Variants in TRAPPC10 observed in about 807,000 individuals in gnomAD.
TRAPPC10 encodes TRAPP 130 kDa subunit.
In TRAPPC10, 23 loss-of-function variants were observed where a neutral mutation model predicts 125.5. The observed-to-expected ratio is 0.18, with a 90% CI of 0.13 to 0.26. The LOEUF (loss-of-function observed/expected upper bound fraction) is 0.26. Ranked by LOEUF, TRAPPC10 falls within the 10% of genes least tolerant of loss-of-function variation. TRAPPC10 has a pLI of 1.00. For missense variants in TRAPPC10, 1,123 were observed against 1,308.4 expected (o/e 0.86, Z 2.19); for synonymous variants, 509 against 518.0 (o/e 0.98, Z 0.24).
At chr21:44,022,562 C>A (rs182260477) in intron 1 of TRAPPC10, among the ~76,000 whole-genome samples, 86 of 151,082 alleles carry the variant, frequency 5.7e-4, no homozygotes, top group African/African-American at 2.0e-3. Context: ...GATCCGCCCA[C>A]CTTTGCCTCC....
chr21:44,084,554 T>C (rs138472872), intron 15 of TRAPPC10, among the ~76,000 whole-genome samples: 2 of 152,336 alleles, frequency 1.3e-5, no homozygotes, highest in Non-Finnish European at 2.9e-5. Context: ...GGTATTTTTT[T>C]CTATTGGCTC....
Position 44,057,411 on chromosome 21 carries a change from T to C in TRAPPC10, c.678+1518T>C, listed in dbSNP as rs538175897. On this transcript the variant is annotated intron_variant, in intron 5 of 22. Coordinates refer to ENST00000291574, the MANE Select transcript of TRAPPC10 (RefSeq NM_003274.5). ...ATCTCCCAGGTTTAAGCGATTCTCC[T>C]GCCTCAGTCCCGAGTAGCTGGGATT... Among the ~76,000 whole-genome samples, 9 of 152,204 alleles carry C rather than the reference T, an allele frequency of 5.9e-5. No individual in the cohort carries two copies. In the East Asian group the frequency reaches 1.5e-3, roughly 26 times the overall value.
intron 5 of TRAPPC10, among the ~76,000 whole-genome samples, chr21:44,056,738 G>A (rs2035623685): frequency 6.6e-6 from 1 of 152,182 alleles, no homozygotes; most frequent in African/African-American, 2.4e-5. Context: ...GCTGAAGGAA[G>A]CAACAGCTCC....
At chr21:44,093,984 C>T (rs905821637) in intron 19 of TRAPPC10, 79 bp from the exon 20 acceptor site, 25 of 1,444,122 alleles carry the variant, frequency 1.7e-5, no homozygotes, top group Non-Finnish European at 2.1e-5. Flanking sequence ...CTTCGCATGG[C>T]GTGTGTTTCG....
rs2034103398 is a variant in TRAPPC10 at position 44,037,858 on chromosome 21, G to C, written c.216G>C (p.Leu72=). ...ESNFVQFKEE[L]LPKEGNKALL... ...ACTTTGTTCAATTCAAAGAGGAGCT[G>C]CTGCCCAAAGAAGGAAACAAAGCTC... Residue 72 remains leucine, a synonymous_variant, in exon 3 of 23, where the codon CTG becomes CTC. Coordinates refer to ENST00000291574, the MANE Select transcript of TRAPPC10 (RefSeq NM_003274.5). The C allele has an allele frequency of 1.2e-6, 2 of 1,614,176 alleles. No individual in the cohort carries two copies. The highest frequency in any genetic ancestry group is 2.7e-5 in the African/African-American group (2 of 75,048).
rs1253080376 is a variant in TRAPPC10 at position 44,063,859 on chromosome 21, G to A, written c.1038+74G>A. 1.9e-6 allele frequency: 3 copies of A among 1,539,322 alleles called. No homozygotes were observed. In the African/African-American group the frequency reaches 4.1e-5, roughly 21 times the overall value. ...GAAATCTCTGAACCTTGAGATCCCA[G>A]GCATTGAACTGTTTGTGCTTAAGAA... is the stretch of plus-strand genomic sequence containing the variant. On this transcript the variant is annotated intron_variant, in intron 7 of 22. Coordinates refer to ENST00000291574, the MANE Select transcript of TRAPPC10 (RefSeq NM_003274.5). The surrounding 1 kb of genome is among the most constrained non-coding windows in gnomAD (Gnocchi z 4.4).
At chr21:44,069,619 T>G (rs568128329) in intron 7 of TRAPPC10, among the ~76,000 whole-genome samples, 2 of 152,210 alleles carry the variant, frequency 1.3e-5, no homozygotes, top group South Asian at 4.2e-4. Context: ...TTACAACACA[T>G]GCCCCGTGAC....
intron 5 of TRAPPC10, among the ~76,000 whole-genome samples, chr21:44,058,179 G>A (rs1436809455): frequency 9.9e-5 from 15 of 152,154 alleles, no homozygotes; most frequent in Admixed American, 6.5e-4. Flanking sequence ...GGTGCTGTGC[G>A]GGTCAGGAGG....
chr21:44,056,416 C>G (rs1318577246), intron 5 of TRAPPC10, among the ~76,000 whole-genome samples: 1 of 152,090 alleles, frequency 6.6e-6, no homozygotes, highest in Non-Finnish European at 1.5e-5. Context: ...CACAGTCTCA[C>G]GGTGGCCCCC....
rs1449878979 is a variant in TRAPPC10 at position 44,044,027 on chromosome 21, A to T, written c.285+6100A>T. Among the ~76,000 whole-genome samples the T allele has an allele frequency of 2.6e-5, 4 of 152,214 alleles. No individual in the cohort carries two copies. In the South Asian group the frequency reaches 8.3e-4, roughly 32 times the overall value. ...GCAAAAGAAAGTTTTACACCACTAT[A>T]GCTTGGAGTGGCCTGTTACACAGCA... On this transcript the variant is annotated intron_variant, in intron 3 of 22. Coordinates refer to ENST00000291574, the MANE Select transcript of TRAPPC10 (RefSeq NM_003274.5).
chr21:44,094,493 A>G (rs747651146), intron 20 of TRAPPC10, among the ~76,000 whole-genome samples: 6 of 152,148 alleles, frequency 3.9e-5, no homozygotes, highest in Non-Finnish European at 5.9e-5. Context: ...AAGCCCAAAG[A>G]TTCCTTTTTT....
intron 1 of TRAPPC10, among the ~76,000 whole-genome samples, chr21:44,017,057 T>G (rs2031948944): frequency 6.6e-6 from 1 of 152,216 alleles, no homozygotes; most frequent in Non-Finnish European, 1.5e-5. Context: ...AAAAGTCACT[T>G]GAAATGTCTG....
chr21:44,022,763 T>G (rs968213269), intron 1 of TRAPPC10, among the ~76,000 whole-genome samples: 1 of 151,240 alleles, frequency 6.6e-6, no homozygotes, highest in Non-Finnish European at 1.5e-5. Context: ...CCTCTGTCTC[T>G]TTTTTTTTCT....
chr21:44,066,606 T>G (rs1383311114), intron 7 of TRAPPC10, among the ~76,000 whole-genome samples: 1 of 152,222 alleles, frequency 6.6e-6, no homozygotes, highest in East Asian at 1.9e-4. Flanking sequence ...CAGACAAATA[T>G]ACGAAGAAAA....
At chr21:44,085,511 C>G (rs1469904417) in intron 15 of TRAPPC10, among the ~76,000 whole-genome samples, 1 of 151,894 alleles carries the variant, frequency 6.6e-6, no homozygotes, top group African/African-American at 2.4e-5. Flanking sequence ...ATGACAAAAC[C>G]CCATCTCTGC....
intron 2 of TRAPPC10, among the ~76,000 whole-genome samples, chr21:44,037,151 G>A (rs1187421510): frequency 6.6e-6 from 1 of 152,084 alleles, no homozygotes; most frequent in African/African-American, 2.4e-5. Context: ...GTAAAGGCAC[G>A]GCACAGAGAT....
At chr21:44,013,409 T>TA (rs746770171) in intron 1 of TRAPPC10, among the ~76,000 whole-genome samples, 1 of 152,318 alleles carries the variant, frequency 6.6e-6, no homozygotes, top group South Asian at 2.1e-4. Flanking sequence ...TTCAGACTGT[T>TA]ACGATTTTTG....
chr21:44,048,925 C>A (rs1415190459), intron 3 of TRAPPC10, among the ~76,000 whole-genome samples: 1 of 149,562 alleles, frequency 6.7e-6, no homozygotes, highest in Admixed American at 6.7e-5. Flanking sequence ...CTATTACTAT[C>A]ATAGTATTAA....
chr21:44,081,771 C>A (rs938504244), intron 13 of TRAPPC10, among the ~76,000 whole-genome samples: 1 of 152,078 alleles, frequency 6.6e-6, no homozygotes, highest in Admixed American at 6.5e-5. Flanking sequence ...CCCAGCTACC[C>A]AGGAGGCTGA....
Sources: allele counts gnomAD v4.1 joint callset (sites outside exome capture counted in the v4.1 genomes callset), GRCh38; gene constraint gnomAD v4.1.1; non-coding constraint Gnocchi (gnomAD v3.1); transcripts MANE v1.5; gene names NCBI Gene and HGNC (gene_info 2026-07-23, HGNC 2026-07-21).